The following DIAPH2 variants were observed in gnomAD, a reference collection of about 807,000 sequenced individuals.
The protein encoded by DIAPH2 is protein diaphanous homolog 2.
In DIAPH2, 35 loss-of-function variants were observed where a neutral mutation model predicts 92.7. The ratio of observed to expected loss-of-function variants is 0.38; its 90% confidence interval spans 0.29 to 0.50. The LOEUF (loss-of-function observed/expected upper bound fraction) is 0.50, where lower values mean the gene tolerates loss of function less well. Ranked by LOEUF, DIAPH2 falls within the 20% of genes least tolerant of loss-of-function variation. The pLI is 0.94. For synonymous variants in DIAPH2, 301 were observed against 280.4 expected (o/e 1.07, Z -0.73); for missense variants, 701 against 819.5 (o/e 0.86, Z 1.77).
At chrX:96,718,339 T>G (rs867625698) in intron 1 of DIAPH2, among the ~76,000 whole-genome samples, 54 of 40,028 alleles carry the variant, frequency 1.3e-3, no homozygotes, top group African/African-American at 4.3e-3. Context: ...TTTCTTTGTT[T>G]TTTTTTTTTT....
At chrX:97,189,710 A>G (rs1037477457) in intron 22 of DIAPH2, among the ~76,000 whole-genome samples, 6 of 112,287 alleles carry the variant, frequency 5.3e-5, no homozygotes, top group Non-Finnish European at 1.1e-4. Flanking sequence ...TTGCCTAGCC[A>G]AAAAGAAAAA....
intron 23 of DIAPH2, among the ~76,000 whole-genome samples, chrX:97,277,291 T>C (rs946299005): frequency 2.7e-5 from 3 of 110,997 alleles, no homozygotes; most frequent in African/African-American, 9.9e-5. Flanking sequence ...TGAGCAGAGA[T>C]TGCGCCACTA....
intron 17 of DIAPH2, among the ~76,000 whole-genome samples, chrX:96,971,378 C>A (rs1402400236): frequency 9.0e-6 from 1 of 111,596 alleles, no homozygotes; most frequent in Non-Finnish European, 1.9e-5. Context: ...ATTTAAAGCA[C>A]TCAGCACATT....
At chrX:96,755,810 A>C (rs2147594891) in intron 3 of DIAPH2, among the ~76,000 whole-genome samples, 1 of 110,278 alleles carries the variant, frequency 9.1e-6, no homozygotes, top group South Asian at 3.8e-4. Flanking sequence ...TGATTCACAT[A>C]CCATAAAATT....
intron 17 of DIAPH2, among the ~76,000 whole-genome samples, chrX:97,015,207 A>G (rs1881170442): frequency 8.9e-6 from 1 of 111,887 alleles, no homozygotes; most frequent in South Asian, 3.7e-4. Context: ...TAGGCTACAT[A>G]TAGTGTTACA....
intron 4 of DIAPH2, among the ~76,000 whole-genome samples, chrX:96,842,364 C>T (rs1214982842): frequency 1.8e-5 from 2 of 112,266 alleles, no homozygotes; most frequent in Admixed American, 9.5e-5. Flanking sequence ...TGGAAATAAA[C>T]GTAGCTGGCA....
At chrX:97,472,349 AT>A (rs754653662) in intron 26 of DIAPH2, among the ~76,000 whole-genome samples, 6 of 112,590 alleles carry the variant, frequency 5.3e-5, no homozygotes, top group Non-Finnish European at 1.1e-4. Flanking sequence ...GTGTATGCAC[AT>A]TGTTAGGACC....
intron 26 of DIAPH2, among the ~76,000 whole-genome samples, chrX:97,526,975 C>T (rs1195993542): frequency 3.6e-5 from 4 of 111,659 alleles, no homozygotes; most frequent in African/African-American, 9.8e-5. Context: ...CTCAGCTGCT[C>T]CTAGCCCCAA....
chrX:97,184,030 A>G (rs1242962996), intron 22 of DIAPH2, among the ~76,000 whole-genome samples: 2 of 112,283 alleles, frequency 1.8e-5, no homozygotes, highest in African/African-American at 6.5e-5. Flanking sequence ...TTATTTGACC[A>G]GTATTTATAA....
Position 97,558,840 on chromosome X carries a change from G to A in DIAPH2, c.3242-40413G>A, listed in dbSNP as rs774516520. Among the ~76,000 whole-genome samples the A allele has an allele frequency of 2.7e-5, 3 of 111,933 alleles. No homozygotes were observed. In the South Asian group the frequency reaches 1.1e-3, roughly 42 times the overall value. ...GGGGGTTATAGACTACAGCACCTGT[G>A]TTATATTAGACTCAGTATCAAAATT... is the stretch of plus-strand genomic sequence containing the variant. On this transcript the variant is annotated intron_variant, in intron 26 of 26. Transcript: ENST00000324765.
At chrX:97,174,667 G>A (rs1029984022) in intron 22 of DIAPH2, among the ~76,000 whole-genome samples, 7 of 111,750 alleles carry the variant, frequency 6.3e-5, no homozygotes, top group East Asian at 5.6e-4. Flanking sequence ...GGGGTTCTTC[G>A]GAAACTTAAC....
At chrX:96,810,583 G>A (rs1270940820) in intron 4 of DIAPH2, among the ~76,000 whole-genome samples, 4 of 111,180 alleles carry the variant, frequency 3.6e-5, no homozygotes, top group South Asian at 3.8e-4. Flanking sequence ...TTAGTCATGA[G>A]GTCCTTGCCC....
chrX:97,093,002 T>C (rs749822534), intron 19 of DIAPH2, among the ~76,000 whole-genome samples: 8 of 106,677 alleles, frequency 7.5e-5, no homozygotes, highest in Non-Finnish European at 1.6e-4. Flanking sequence ...CTGGGCAACA[T>C]AGTGACACCC....
At chrX:97,004,488 C>T (rs997589517) in intron 17 of DIAPH2, among the ~76,000 whole-genome samples, 3 of 111,436 alleles carry the variant, frequency 2.7e-5, no homozygotes, top group East Asian at 2.8e-4. Flanking sequence ...TTTCCTTCAT[C>T]GATCTTTTAG....
intron 3 of DIAPH2, among the ~76,000 whole-genome samples, chrX:96,742,949 C>T (rs1416927108): frequency 8.9e-6 from 1 of 112,503 alleles, no homozygotes; most frequent in African/African-American, 3.2e-5. Flanking sequence ...CAGGCATGAG[C>T]CACTGTGCCC....
At chrX:96,815,669 G>GT (rs1327271769) in intron 4 of DIAPH2, among the ~76,000 whole-genome samples, 1 of 110,906 alleles carries the variant, frequency 9.0e-6, no homozygotes, top group African/African-American at 3.3e-5. Flanking sequence ...AGAGCTCTCT[G>GT]TTTTTTTCTT....
intron 22 of DIAPH2, among the ~76,000 whole-genome samples, chrX:97,245,903 C>CT (rs748187119): frequency 0.023 from 2,276 of 97,963 alleles, 58 homozygotes; most frequent in African/African-American, 0.066. Flanking sequence ...TTTGTCTTCA[C>CT]TTTTTTTTTT....
chrX:97,188,572 A>G (rs981562541), intron 22 of DIAPH2, among the ~76,000 whole-genome samples: 29 of 112,277 alleles, frequency 2.6e-4, no homozygotes, highest in Non-Finnish European at 7.5e-5. Context: ...GAAGTTTGTT[A>G]TATTGTTTAA....
intron 22 of DIAPH2, among the ~76,000 whole-genome samples, chrX:97,243,175 G>A (rs2068111634): frequency 9.0e-6 from 1 of 110,554 alleles, no homozygotes; most frequent in Admixed American, 9.8e-5. Context: ...AACTGCACAG[G>A]TTGCATATCC....
Sources: gnomAD v4.1 joint callset for allele counts (sites outside exome capture counted in the v4.1 genomes callset) on GRCh38, gnomAD v4.1.1 for gene constraint, MANE v1.5 for transcripts, NCBI Gene and HGNC (gene_info 2026-07-23, HGNC 2026-07-21) for gene names.